Variants in CNTNAP5 observed in about 807,000 individuals in gnomAD.
The protein encoded by CNTNAP5 is contactin-associated protein-like 5.
Under a neutral mutation model 150.2 loss-of-function variants are expected in CNTNAP5, and 72 were observed. That is an observed-to-expected ratio of 0.48 (90% CI 0.40 to 0.58). The LOEUF (loss-of-function observed/expected upper bound fraction) is 0.58, where lower values mean the gene tolerates loss of function less well. CNTNAP5 is among the 20% of genes least tolerant of loss of function. The probability of loss-of-function intolerance (pLI) is 0.00; values close to 1 mark genes in which losing one functional copy is unlikely to be tolerated. For missense variants in CNTNAP5, 1,636 were observed against 1,626.2 expected, an observed-to-expected ratio of 1.01 and a Z score of -0.10; for synonymous variants, 672 against 619.8, an observed-to-expected ratio of 1.08 and a Z score of -1.25.
In CNTNAP5 at chr2:124,639,689, C is replaced by A. The variant is rs1325180184; in HGVS notation, c.1877-8069C>A. Among the ~76,000 whole-genome samples the A allele has an allele frequency of 2.0e-5, 3 of 152,122 alleles. No homozygotes were observed. In the East Asian group the frequency reaches 5.8e-4, roughly 29 times the overall value. On this transcript the variant is annotated intron_variant, in intron 12 of 23. Coordinates refer to ENST00000682447, the MANE Select transcript of CNTNAP5 (RefSeq NM_001367498.1). The stretch of plus-strand genomic sequence containing the variant: ...GAACTGTTTATTATGAACTTGTGTT[C>A]CAGTACATTATGTACTTATGTGGGT...
rs1678776183 is a variant in CNTNAP5, at chr2:124,916,714, C to T, written c.*2426C>T. On this transcript the variant is annotated 3_prime_UTR_variant, in exon 24 of 24. Coordinates refer to ENST00000682447, the MANE Select transcript of CNTNAP5 (RefSeq NM_001367498.1). ...AGAATCTGTGAAGCTCTATCCTGACCACAATGGCACTACAAAATCAACTGG... is the reference window on the plus strand; with the variant it reads ...AGAATCTGTGAAGCTCTATCCTGACTACAATGGCACTACAAAATCAACTGG... Among the ~76,000 whole-genome samples, 1 of 151,958 alleles carries T rather than the reference C, an allele frequency of 6.6e-6. No individual in the cohort carries two copies. The highest frequency in any genetic ancestry group is 2.4e-5 in the African/African-American group (1 of 41,388).
chr2:124,744,565 G>A (rs972189745), intron 13 of CNTNAP5, among the ~76,000 whole-genome samples: 2 of 152,014 alleles, frequency 1.3e-5, no homozygotes, highest in South Asian at 2.1e-4. Context: ...GTTTTCTTAC[G>A]TGATTTATTC....
chr2:124,461,744 C>G (rs1195859799), intron 6 of CNTNAP5, among the ~76,000 whole-genome samples: 1 of 151,460 alleles, frequency 6.6e-6, no homozygotes, highest in African/African-American at 2.4e-5. Context: ...GTAATCCCAA[C>G]TACTCGGGAG....
intron 2 of CNTNAP5, among the ~76,000 whole-genome samples, chr2:124,227,466 A>G (rs1480485974): frequency 6.6e-6 from 1 of 152,120 alleles, no homozygotes; most frequent in Non-Finnish European, 1.5e-5. Flanking sequence ...TGTGTTCGGA[A>G]AAAGAGTAGG....
Position 124,025,315 on chromosome 2 carries a change from G to A in CNTNAP5, c.-336G>A, listed in dbSNP as rs887622428. Reference sequence around the variant, plus strand: ...TCCAGCTCTCGCGCCCGACGAGGTGGATTTGGCTGTCCACCGAGCTCCGGC... The same window carrying A: ...TCCAGCTCTCGCGCCCGACGAGGTGAATTTGGCTGTCCACCGAGCTCCGGC... On this transcript the variant is annotated 5_prime_UTR_variant, in exon 1 of 24. Coordinates refer to ENST00000682447, the MANE Select transcript of CNTNAP5 (RefSeq NM_001367498.1). 9.7e-6 allele frequency: 3 copies of A among 308,926 alleles called. No individual in the cohort carries two copies. Among genetic ancestry groups the A allele is most frequent in the Admixed American group, 4.1e-5 (1 of 24,662 alleles). The allele number at this position is 308,926 out of a possible 1,614,324, so 19.1% of individuals were successfully genotyped here.
At chr2:124,173,905 C>G (rs1205721958) in intron 1 of CNTNAP5, among the ~76,000 whole-genome samples, 1 of 152,130 alleles carries the variant, frequency 6.6e-6, no homozygotes, top group Non-Finnish European at 1.5e-5. Context: ...AGAACAGGCT[C>G]TTTCTAGGGG....
intron 12 of CNTNAP5, among the ~76,000 whole-genome samples, chr2:124,623,950 T>C (rs1677668389): frequency 6.6e-6 from 1 of 152,256 alleles, no homozygotes; most frequent in Admixed American, 6.5e-5. Flanking sequence ...TGAAGAATAG[T>C]AATTTAACAG....
intron 1 of CNTNAP5, among the ~76,000 whole-genome samples, chr2:124,166,196 T>C (rs1465816613): frequency 2.0e-5 from 3 of 152,212 alleles, no homozygotes; most frequent in African/African-American, 4.8e-5. Context: ...CCATCGTTCC[T>C]ATGGCTTCAC....
intron 19 of CNTNAP5, among the ~76,000 whole-genome samples, chr2:124,863,606 GT>G (rs1202915408): frequency 1.3e-5 from 2 of 152,150 alleles, no homozygotes; most frequent in East Asian, 3.9e-4. Context: ...TTAATTTATT[GT>G]TTCACATGCA....
intron 10 of CNTNAP5, among the ~76,000 whole-genome samples, chr2:124,539,989 A>C (rs1695340966): frequency 6.6e-6 from 1 of 152,310 alleles, no homozygotes; most frequent in African/African-American, 2.4e-5. Flanking sequence ...TAGACATAGC[A>C]GTAGATATCT....
At chr2:124,092,687 A>G (rs993072036) in intron 1 of CNTNAP5, among the ~76,000 whole-genome samples, 1 of 152,158 alleles carries the variant, frequency 6.6e-6, no homozygotes, top group African/African-American at 2.4e-5. Context: ...ACCTATTTAA[A>G]TTCCAAAATG....
chr2:124,029,576 T>C (rs1338620443), intron 1 of CNTNAP5, among the ~76,000 whole-genome samples: 2 of 152,106 alleles, frequency 1.3e-5, no homozygotes, highest in Non-Finnish European at 2.9e-5. Flanking sequence ...AAAATTAGTT[T>C]TATTACGAAA....
At chr2:124,839,975 G>A (rs183645977) in intron 19 of CNTNAP5, among the ~76,000 whole-genome samples, 92 of 152,246 alleles carry the variant, frequency 6.0e-4, no homozygotes, top group Middle Eastern at 3.4e-3. Context: ...AGGTAAAAAA[G>A]TGACACAGTT....
chr2:124,601,758 C>G lies in CNTNAP5; in HGVS notation c.1757-8043C>G, dbSNP rs551915684. On this transcript the variant is annotated intron_variant, in intron 11 of 23. Coordinates refer to ENST00000682447, the MANE Select transcript of CNTNAP5 (RefSeq NM_001367498.1). Reference sequence around the variant, plus strand: ...GAAATAGCTTAAAACGGAAACAACCCAAATGTTCTTCAGTGGATTAATTAT... The same window carrying G: ...GAAATAGCTTAAAACGGAAACAACCGAAATGTTCTTCAGTGGATTAATTAT... Among the ~76,000 whole-genome samples, 5 of 152,240 alleles carry G rather than the reference C, an allele frequency of 3.3e-5. No homozygotes were observed. In the South Asian group the frequency reaches 1.0e-3, roughly 32 times the overall value.
At chr2:124,105,744 G>C (rs1281371332) in intron 1 of CNTNAP5, among the ~76,000 whole-genome samples, 1 of 151,878 alleles carries the variant, frequency 6.6e-6, no homozygotes, top group Non-Finnish European at 1.5e-5. Flanking sequence ...TTAATTTCCA[G>C]GTAGTAGAAT....
At chr2:124,897,532 G>A (rs936128232) in intron 21 of CNTNAP5, among the ~76,000 whole-genome samples, 1 of 151,512 alleles carries the variant, frequency 6.6e-6, no homozygotes, top group African/African-American at 2.4e-5. Flanking sequence ...CAGGCAGAGA[G>A]AATCATGTCT....
chr2:124,125,345 T>C (rs1205583647), intron 1 of CNTNAP5, among the ~76,000 whole-genome samples: 1 of 152,170 alleles, frequency 6.6e-6, no homozygotes, highest in Non-Finnish European at 1.5e-5. Flanking sequence ...AAGGGATCAA[T>C]TCAACAAGAA....
At chr2:124,294,586 T>C (rs936475360) in intron 3 of CNTNAP5, among the ~76,000 whole-genome samples, 2 of 152,170 alleles carry the variant, frequency 1.3e-5, no homozygotes, top group African/African-American at 4.8e-5. Context: ...TACCTGAAGT[T>C]CCAGAACAGA....
At chr2:124,438,782 T>C (rs1179238750) in intron 5 of CNTNAP5, among the ~76,000 whole-genome samples, 1 of 152,220 alleles carries the variant, frequency 6.6e-6, no homozygotes, top group Non-Finnish European at 1.5e-5. Flanking sequence ...ATAAAAGTTT[T>C]TTTTTAGTTG....
Sources: allele counts gnomAD v4.1 joint callset (sites outside exome capture counted in the v4.1 genomes callset), GRCh38; gene constraint gnomAD v4.1.1; transcripts MANE v1.5; gene names NCBI Gene and HGNC (gene_info 2026-07-23, HGNC 2026-07-21).